SNTG2: variants seen among roughly 807,000 people sequenced by gnomAD.
SNTG2 encodes the protein gamma-2-syntrophin.
Under a neutral mutation model 70.9 loss-of-function variants are expected in SNTG2, and 74 were observed. That is an observed-to-expected ratio of 1.04 (90% CI 0.86 to 1.27). SNTG2 has a LOEUF of 1.27. SNTG2 is among the 50% of genes most tolerant of loss of function. The pLI is 0.00. For synonymous variants in SNTG2, 278 were observed against 273.8 expected, an observed-to-expected ratio of 1.02 and a Z score of -0.15; for missense variants, 717 against 690.7, an observed-to-expected ratio of 1.04 and a Z score of -0.43.
chr2:1,148,056 A>G (rs1463176286), intron 6 of SNTG2, among the ~76,000 whole-genome samples: 1 of 152,128 alleles, frequency 6.6e-6, no homozygotes, highest in East Asian at 1.9e-4. Context: ...TGGTGGTTGC[A>G]TTTTTCTGGC....
At chr2:1,017,185 G>T (rs927818286) in intron 1 of SNTG2, among the ~76,000 whole-genome samples, 14 of 152,048 alleles carry the variant, frequency 9.2e-5, no homozygotes, top group African/African-American at 3.4e-4. Flanking sequence ...TTGCCACAGA[G>T]AATCTACTCT....
At chr2:1,210,618 C>G (rs1242417866) in intron 9 of SNTG2, 2 of 152,232 alleles carry the variant, frequency 1.3e-5, no homozygotes, top group East Asian at 3.8e-4. Flanking sequence ...CCTTCACATT[C>G]ACTCACTCCT....
At chr2:1,132,115 G>A (rs1668056176) in intron 4 of SNTG2, among the ~76,000 whole-genome samples, 1 of 152,108 alleles carries the variant, frequency 6.6e-6, no homozygotes, top group African/African-American at 2.4e-5. Flanking sequence ...AAGTTGAACT[G>A]TAAACTTAAA....
intron 14 of SNTG2, among the ~76,000 whole-genome samples, chr2:1,282,990 G>C (rs927423490): frequency 1.1e-4 from 16 of 152,184 alleles, no homozygotes; most frequent in Admixed American, 1.0e-3. Context: ...TATCAAGACA[G>C]AAGTGGCCAC....
At chr2:1,156,743 A>T (rs958035765) in intron 6 of SNTG2, among the ~76,000 whole-genome samples, 28 of 152,066 alleles carry the variant, frequency 1.8e-4, no homozygotes, top group Non-Finnish European at 1.5e-5. Context: ...CAGTAAGGTG[A>T]TGCTCGGGCT....
chr2:1,258,276 C>T (rs1236395453), intron 12 of SNTG2, among the ~76,000 whole-genome samples: 2 of 152,190 alleles, frequency 1.3e-5, no homozygotes, highest in Non-Finnish European at 1.5e-5. Flanking sequence ...CTGAAATAAG[C>T]ACCTGAAACT....
At position 1,078,216 on chromosome 2, in the gene SNTG2, C is replaced by A. The variant is rs117488330; in HGVS notation, c.73-5302C>A. On this transcript the variant is annotated intron_variant, in intron 1 of 16. Coordinates refer to ENST00000308624, the MANE Select transcript of SNTG2 (RefSeq NM_018968.4). ...GGCTGGGCTGTAGAAGCTGGTCCCCCTGAAGTGGAGAAGGTAGAGAGGACC... is the reference window on the plus strand; with the variant it reads ...GGCTGGGCTGTAGAAGCTGGTCCCCATGAAGTGGAGAAGGTAGAGAGGACC... Among the ~76,000 whole-genome samples the A allele has an allele frequency of 1.3e-3, 192 of 152,302 alleles. 2 individuals are homozygous for A. In the East Asian group the frequency reaches 0.033, roughly 26 times the overall value.
chr2:1,225,013 T>C (rs1049540227), intron 9 of SNTG2, among the ~76,000 whole-genome samples: 1 of 152,346 alleles, frequency 6.6e-6, no homozygotes, highest in East Asian at 1.9e-4. Context: ...GTGGCTTTAA[T>C]GTACAGAAGA....
intron 9 of SNTG2, among the ~76,000 whole-genome samples, chr2:1,228,707 A>G (rs1165276049): frequency 6.6e-6 from 1 of 152,138 alleles, no homozygotes; most frequent in Admixed American, 6.5e-5. Context: ...TTGATAGTCC[A>G]GATAATTTTC....
rs1325037237 is a variant in SNTG2 at position 984,326 on chromosome 2, AAAATCTCCTC to A, written c.72+33259_72+33268del. Among the ~76,000 whole-genome samples, 4 of 151,978 alleles carry A rather than the reference AAAATCTCCTC, an allele frequency of 2.6e-5. No individual in the cohort carries two copies. In the East Asian group the frequency reaches 7.7e-4, roughly 29 times the overall value. On this transcript the variant is annotated intron_variant, in intron 1 of 16. Coordinates refer to ENST00000308624, the MANE Select transcript of SNTG2 (RefSeq NM_018968.4). ...TTAAGATAAAATGAAAACAAAGGGC[AAAATCTCCTC>A]TCTGGTTGGTGATGGAAATGGGAAG...
intron 7 of SNTG2, among the ~76,000 whole-genome samples, chr2:1,166,415 T>C (rs1670709747): frequency 6.6e-6 from 1 of 152,178 alleles, no homozygotes; most frequent in Non-Finnish European, 1.5e-5. Context: ...TGTCACTCTC[T>C]CATGGGAAGG....
In SNTG2 at chr2:1,097,717, C is replaced by T. The variant is rs1665487487; in HGVS notation, c.211-479C>T. 6.6e-6 allele frequency among the ~76,000 whole-genome samples: 1 copy of T among 152,080 alleles called. No individual in the cohort carries two copies. The highest frequency in any genetic ancestry group is 2.4e-5 in the African/African-American group (1 of 41,414). On this transcript the variant is annotated intron_variant, in intron 2 of 16. Coordinates refer to ENST00000308624, the MANE Select transcript of SNTG2 (RefSeq NM_018968.4). The surrounding 1 kb of genome is among the most constrained non-coding windows in gnomAD (Gnocchi z 4.1). ...GGTCAGAGGACGTGAAAAAATGGAT[C>T]ATTCATGAATTAATATTGGTTGAAG...
chr2:978,605 T>G (rs1306189885), intron 1 of SNTG2, among the ~76,000 whole-genome samples: 1 of 152,204 alleles, frequency 6.6e-6, no homozygotes, highest in Non-Finnish European at 1.5e-5. Context: ...TGAAGCCTTC[T>G]GCCCCTGTGA....
At chr2:1,050,184 AT>A (rs1217014126) in intron 1 of SNTG2, among the ~76,000 whole-genome samples, 1 of 152,074 alleles carries the variant, frequency 6.6e-6, no homozygotes, top group Admixed American at 6.6e-5. Flanking sequence ...ACTGAACAGA[AT>A]TTTTTTCCTT....
intron 1 of SNTG2, among the ~76,000 whole-genome samples, chr2:965,433 C>G (rs1660520670): frequency 6.6e-6 from 1 of 151,760 alleles, no homozygotes; most frequent in South Asian, 2.1e-4. Context: ...CCCTTGGCCT[C>G]CTTGGTCTCC....
In SNTG2 at chr2:1,071,058, A is replaced by T. The variant is rs1041963465; in HGVS notation, c.73-12460A>T. On this transcript the variant is annotated intron_variant, in intron 1 of 16. Coordinates refer to ENST00000308624, the MANE Select transcript of SNTG2 (RefSeq NM_018968.4). The stretch of plus-strand genomic sequence containing the variant: ...GACGCAGGCAGTGGGACTGGTGCAG[A>T]GGACACAGAAGCCTCGGGTAGTTTT... Among the ~76,000 whole-genome samples the T allele has an allele frequency of 2.0e-5, 3 of 152,342 alleles. No individual in the cohort carries two copies. In the South Asian group the frequency reaches 6.2e-4, roughly 32 times the overall value.
At chr2:1,287,780 A>G (rs72770658) in intron 14 of SNTG2, among the ~76,000 whole-genome samples, 4,906 of 152,336 alleles carry the variant, frequency 0.032, 107 homozygotes, top group Non-Finnish European at 0.048. Flanking sequence ...GTCTGCCGTC[A>G]TGAAAAGGGC....
At chr2:985,268 C>A (rs1661267003) in intron 1 of SNTG2, among the ~76,000 whole-genome samples, 1 of 152,034 alleles carries the variant, frequency 6.6e-6, no homozygotes, top group African/African-American at 2.4e-5. Flanking sequence ...GTGCCTGCAG[C>A]CATTAAACAG....
chr2:1,242,142 G>T (rs748510814), intron 11 of SNTG2, among the ~76,000 whole-genome samples: 2 of 152,104 alleles, frequency 1.3e-5, no homozygotes, highest in Non-Finnish European at 2.9e-5. Context: ...TGCGCTTTTG[G>T]TGGAGGATGG....
Sources: allele counts gnomAD v4.1 joint callset (sites outside exome capture counted in the v4.1 genomes callset), GRCh38; gene constraint gnomAD v4.1.1; non-coding constraint Gnocchi (gnomAD v3.1); transcripts MANE v1.5; gene names NCBI Gene and HGNC (gene_info 2026-07-23, HGNC 2026-07-21).